Variants in RGP1 observed in about 807,000 individuals in gnomAD.
RGP1 encodes RGP1 partner of RAB6A GEF complex.
A neutral mutation model predicts 44.5 loss-of-function variants in RGP1; 28 were observed. The ratio of observed to expected loss-of-function variants is 0.63; its 90% CI spans 0.47 to 0.86. RGP1 has a LOEUF of 0.86. Among genes scored for constraint, RGP1 ranks in the 40% least tolerant of loss-of-function variants. RGP1 has a pLI of 0.00. For missense variants in RGP1, 417 were observed against 490.7 expected (o/e 0.85, Z 1.42); for synonymous variants, 212 against 196.7 (o/e 1.08, Z -0.65).
chr9:35,766,377 C>A, the RGP1 span, among the ~76,000 whole-genome samples: 16 of 152,128 alleles, frequency 1.1e-4, no homozygotes, highest in Non-Finnish European at 1.5e-4. Context: ...ATTCTGGATA[C>A]AAGTCCTTTG....
rs1398213633 is a variant in RGP1, at chr9:35,749,354, G to A, written c.-74G>A. On this transcript the variant is annotated 5_prime_UTR_variant, in exon 1 of 9. Transcript: ENST00000378078. The surrounding 1 kb of genome is among the most constrained non-coding windows in gnomAD (Gnocchi z 4.4). ...CCGCCGCGTACCTAGCCAGGTCCCT[G>A]AGGGGCGGGCAGATGAGGCCTAGGG... is the stretch of plus-strand genomic sequence containing the variant. 1.9e-6 allele frequency: 1 copy of A among 539,244 alleles called. No individual in the cohort carries two copies. Among genetic ancestry groups the A allele is most frequent in the East Asian group, 5.4e-5 (1 of 18,644 alleles). 33.4% of individuals were successfully genotyped at this position (539,244 alleles called of 1,614,324 possible).
At chr9:35,767,785 A>G in the RGP1 span, among the ~76,000 whole-genome samples, 1 of 152,076 alleles carries the variant, frequency 6.6e-6, no homozygotes, top group African/African-American at 2.4e-5. Context: ...AGATAATAGG[A>G]AAAGAAATGT....
chr9:35,781,560 T>G, the RGP1 span, among the ~76,000 whole-genome samples: 1 of 152,110 alleles, frequency 6.6e-6, no homozygotes, highest in Non-Finnish European at 1.5e-5. Context: ...TAATTAAGAA[T>G]GTATTCCATG....
the RGP1 span, chr9:35,780,509 C>G: frequency 2.0e-5 from 3 of 152,168 alleles, no homozygotes; most frequent in African/African-American, 7.2e-5. Flanking sequence ...TTATCCGTCA[C>G]GAAATCTATC....
At chr9:35,759,679 G>C (rs1827401569), downstream of RGP1, among the ~76,000 whole-genome samples, 1 of 149,130 alleles carries the variant, frequency 6.7e-6, no homozygotes, top group African/African-American at 2.5e-5. Flanking sequence ...AAACCAAGGT[G>C]CATTTTTCTG....
chr9:35,756,652 G>A lies in RGP1; in HGVS notation c.*3778G>A, dbSNP rs138065773. ...AGCTCTGCCGCCTTTCCCAGAGAGG[G>A]GGTCCAGGGGACATCCTGGAAGGCT... On this transcript the variant is annotated 3_prime_UTR_variant, in exon 9 of 9. Transcript: ENST00000378078. 2 of 152,406 alleles carry A rather than the reference G, an allele frequency of 1.3e-5. No homozygotes were observed. Among genetic ancestry groups the A allele is most frequent in the Admixed American group, 6.5e-5 (1 of 15,304 alleles). The allele number at this position is 152,406 out of a possible 1,614,324, so 9.4% of individuals were successfully genotyped here.
rs759905567 is a variant in RGP1, at chr9:35,749,780, A to G, written c.25A>G (p.Ser9Gly). 6.2e-7 allele frequency: 1 copy of G among 1,613,802 alleles called. No homozygotes were observed. The highest frequency in any genetic ancestry group is 2.2e-5 in the East Asian group (1 of 44,876). The change falls in exon 2 of 9, where the codon AGC becomes GGC. Residue 9 changes from serine (S) to glycine (G), a missense_variant. By Grantham distance (56) the Ser-to-Gly change is moderately conservative. Coordinates refer to ENST00000378078, the MANE Select transcript of RGP1 (RefSeq NM_001080496.3). The surrounding 1 kb of genome is among the most constrained non-coding windows in gnomAD (Gnocchi z 4.4). MIEVVAEL[S>G]RGPVFLAGEA... ...CATGATTGAAGTGGTAGCAGAGCTC[A>G]GCCGGGGTCCTGTATTTTTGGCTGG...
intron 8 of RGP1, 143 bp downstream of exon 8, chr9:35,752,288 C>A: frequency 1.2e-6 from 1 of 825,620 alleles, no homozygotes. Flanking sequence ...TTTCTCAGAC[C>A]TTCAACCTCT....
At position 35,749,864 on chromosome 9, in the gene RGP1, G is replaced by T; in HGVS notation, c.109G>T (p.Ala37Ser). Residue 37 changes from alanine (A) to serine (S), a missense_variant, in exon 2 of 9, where the codon GCA becomes TCA. Ala to Ser is a moderately conservative substitution (Grantham distance 99, BLOSUM62 1). Coordinates refer to ENST00000378078, the MANE Select transcript of RGP1 (RefSeq NM_001080496.3). This position sits in a 1 kb window ranked among gnomAD's most constrained non-coding sequence, Gnocchi z 4.4. ...CCCCCTTCCGCCCACGGCCACTTCT[G>T]CATCCAGGTGGGGATGCTGGCACTG... ...TNPLPPTATS[A>S]SSEALAWASA... 1 of 1,610,412 alleles carries T rather than the reference G, an allele frequency of 6.2e-7. No individual in the cohort carries two copies. Among genetic ancestry groups the T allele is most frequent in the Middle Eastern group, 1.7e-4 (1 of 6,004 alleles).
the RGP1 span, among the ~76,000 whole-genome samples, chr9:35,774,655 C>T: frequency 3.3e-5 from 5 of 151,902 alleles, no homozygotes; most frequent in Non-Finnish European, 5.9e-5. Flanking sequence ...ACCCGGGAGG[C>T]GGAGCTTGCA....
Position 35,753,357 on chromosome 9 carries a change from C to A in RGP1, c.*483C>A, listed in dbSNP as rs1473226573. The A allele has an allele frequency of 2.0e-6, 3 of 1,502,722 alleles. No individual in the cohort carries two copies. The Admixed American group carries it at 5.5e-5, about 28-fold the overall frequency. 93.1% of individuals were successfully genotyped at this position (1,502,722 alleles called of 1,614,324 possible). A position where few individuals can be genotyped will look rare whatever the true frequency, so the allele number is the denominator to read the frequency against. On this transcript the variant is annotated 3_prime_UTR_variant, in exon 9 of 9. Transcript: ENST00000378078. The surrounding 1 kb of genome is among the most constrained non-coding windows in gnomAD (Gnocchi z 4.2). ...ATCCCTGCCCACATGTTCCCTCTCT[C>A]ACAGTTTTCCCCCCACAGAGCCCCT...
In RGP1 at chr9:35,751,406, A is replaced by G. The variant is rs767876788; in HGVS notation, c.628A>G (p.Ser210Gly). 2.5e-5 allele frequency: 41 copies of G among 1,613,852 alleles called. No individual in the cohort carries two copies. The highest frequency in any genetic ancestry group is 3.5e-5 in the Non-Finnish European group (41 of 1,179,886). ...CCTAATGGCTGCCACATCCTGCCGC[A>G]GCCTCCGTGAGAATTCTTTCAGAAT... The part of the protein sequence containing the change: ...ERLMAATSCR[S>G]LHLYNISDGR... Residue 210 changes from serine (S) to glycine (G), a missense_variant, in exon 6 of 9, where the codon AGC (serine) becomes GGC (glycine). Coordinates refer to ENST00000378078, the MANE Select transcript of RGP1 (RefSeq NM_001080496.3).
the RGP1 span, among the ~76,000 whole-genome samples, chr9:35,782,470 G>T: frequency 4.0e-5 from 6 of 149,818 alleles, no homozygotes; most frequent in Non-Finnish European, 6.0e-5. Context: ...TTTTTGAGAC[G>T]GAGTCTCGCT....
At chr9:35,777,450 T>G in the RGP1 span, among the ~76,000 whole-genome samples, 1 of 151,344 alleles carries the variant, frequency 6.6e-6, no homozygotes, top group South Asian at 2.1e-4. Context: ...TTGTGGTTTT[T>G]TTTTTTTTTG....
chr9:35,784,519 G>A, the RGP1 span, among the ~76,000 whole-genome samples: 2 of 152,010 alleles, frequency 1.3e-5, no homozygotes, highest in African/African-American at 4.8e-5. Context: ...GCACTATTTC[G>A]GCTCACTGCA....
At chr9:35,772,693 A>G in the RGP1 span, among the ~76,000 whole-genome samples, 1 of 151,124 alleles carries the variant, frequency 6.6e-6, no homozygotes, top group African/African-American at 2.4e-5. Context: ...CAGGAGGCTG[A>G]GGCAGGAGAA....
chr9:35,777,127 C>CTTT, the RGP1 span, among the ~76,000 whole-genome samples: 6 of 82,310 alleles, frequency 7.3e-5, no homozygotes, highest in Non-Finnish European at 8.9e-5. Flanking sequence ...AGGTGTTTTT[C>CTTT]TTTTTTTTTT....
rs1827357292 is a variant in RGP1, at chr9:35,756,234, T to C, written c.*3360T>C. 2.0e-5 allele frequency: 3 copies of C among 152,332 alleles called. No homozygotes were observed. Among genetic ancestry groups the C allele is most frequent in the Admixed American group, 1.3e-4 (2 of 15,292 alleles). The allele number at this position is 152,332 out of a possible 1,614,324, so 9.4% of individuals were successfully genotyped here. On this transcript the variant is annotated 3_prime_UTR_variant, in exon 9 of 9. Transcript: ENST00000378078. ...GCATTTATTTGGTTTTTCTACGTTT[T>C]CAGTCCCATTTACTCCAAGACTCAC...
In RGP1 at chr9:35,753,867, G is replaced by GT; in HGVS notation, c.*994dup. 1 of 1,524,900 alleles carries GT rather than the reference G, an allele frequency of 6.6e-7. No individual in the cohort carries two copies. Among genetic ancestry groups the GT allele is most frequent in the East Asian group, 2.3e-5 (1 of 44,196 alleles). 94.5% of individuals were successfully genotyped at this position (1,524,900 alleles called of 1,614,324 possible). A position where few individuals can be genotyped will look rare whatever the true frequency, so the allele number is the denominator to read the frequency against. On this transcript the variant is annotated 3_prime_UTR_variant, in exon 9 of 9. Transcript: ENST00000378078. The surrounding 1 kb of genome is among the most constrained non-coding windows in gnomAD (Gnocchi z 4.2). ...GAGACAGTAAGTACGCACTATCCCC[G>GT]TATTTAGTTTGTCTTTCCTGTTTCA... is the stretch of plus-strand genomic sequence containing the variant.
Sources: gnomAD v4.1 joint callset for allele counts (sites outside exome capture counted in the v4.1 genomes callset) on GRCh38, gnomAD v4.1.1 for gene constraint, Gnocchi (gnomAD v3.1) non-coding constraint, MANE v1.5 for transcripts, NCBI Gene and HGNC (gene_info 2026-07-23, HGNC 2026-07-21) for gene names.